TBPL1: variants seen among roughly 807,000 people sequenced by gnomAD.
TBPL1 encodes TATA box-binding protein-like 1.
Under a neutral mutation model 22.1 loss-of-function variants are expected in TBPL1, and 4 were observed. The observed-to-expected ratio is 0.18, with a 90% CI of 0.09 to 0.41. The LOEUF (loss-of-function observed/expected upper bound fraction) is 0.41, where lower values mean the gene tolerates loss of function less well. Among genes scored for constraint, TBPL1 ranks in the 10% least tolerant of loss-of-function variants. The probability of loss-of-function intolerance (pLI) is 1.00; values close to 1 mark genes in which losing one functional copy is unlikely to be tolerated. For synonymous variants in TBPL1, 64 were observed against 71.0 expected (o/e 0.90, Z 0.50); for missense variants, 115 against 222.3 (o/e 0.52, Z 3.07).
intron 1 of TBPL1, among the ~76,000 whole-genome samples, chr6:133,967,717 A>G (rs1776144790): frequency 6.6e-6 from 1 of 152,202 alleles, no homozygotes; most frequent in Non-Finnish European, 1.5e-5. Flanking sequence ...ACGGTATTAT[A>G]ATATTATGGA....
intron 1 of TBPL1, among the ~76,000 whole-genome samples, chr6:133,971,690 T>C (rs2114356529): frequency 6.6e-6 from 1 of 152,250 alleles, no homozygotes; most frequent in East Asian, 1.9e-4. Flanking sequence ...ATACGTGATG[T>C]TGAACATTTT....
chr6:133,985,309 T>TAAAAAAAAAAAAAAAAAAAAAA (rs1776497265), intron 6 of TBPL1, among the ~76,000 whole-genome samples: 1 of 29,386 alleles, frequency 3.4e-5, no homozygotes, highest in Non-Finnish European at 8.2e-5. Flanking sequence ...TATATATATA[T>TAAAAAAAAAAAAAAAAAAAAAA]ATATATATAT....
chr6:133,952,992 C>A (rs1472569522), upstream of TBPL1, among the ~76,000 whole-genome samples: 1 of 152,078 alleles, frequency 6.6e-6, no homozygotes, highest in Non-Finnish European at 1.5e-5. The surrounding 1 kb of genome is among the most constrained non-coding windows in gnomAD (Gnocchi z 4.5). Flanking sequence ...CCACCTCTTA[C>A]CTCCCACCGA....
Position 133,984,550 on chromosome 6 carries a change from A to G in TBPL1, c.387-27A>G, listed in dbSNP as rs368993962. 319 of 1,610,026 alleles carry G rather than the reference A, an allele frequency of 2.0e-4. 4 individuals carry two copies. The highest frequency in any genetic ancestry group is 8.3e-4 in the Middle Eastern group (5 of 6,000). On this transcript the variant is annotated intron_variant, in intron 5 of 6. Coordinates refer to ENST00000237264, the MANE Select transcript of TBPL1 (RefSeq NM_004865.4). Reference sequence around the variant, plus strand: ...ATTACTAGTCAGGGTATAAATATTTATATTAATTGTGGCTTATTTTGTGTA... The same window carrying G: ...ATTACTAGTCAGGGTATAAATATTTGTATTAATTGTGGCTTATTTTGTGTA...
intron 1 of TBPL1, among the ~76,000 whole-genome samples, chr6:133,970,906 G>A (rs1776209124): frequency 6.6e-6 from 1 of 152,038 alleles, no homozygotes; most frequent in African/African-American, 2.4e-5. Flanking sequence ...TCAGGGTAGG[G>A]CATCTGTCAC....
chr6:133,952,195 C>G (rs1409026286), upstream of TBPL1: 2 of 152,252 alleles, frequency 1.3e-5, no homozygotes, highest in African/African-American at 4.8e-5. The surrounding 1 kb of genome is among the most constrained non-coding windows in gnomAD (Gnocchi z 4.5). Flanking sequence ...TTCGCTCCCG[C>G]GGGCAGCGCC....
At chr6:133,963,896 C>T (rs912222765) in intron 1 of TBPL1, among the ~76,000 whole-genome samples, 2 of 150,636 alleles carry the variant, frequency 1.3e-5, no homozygotes, top group African/African-American at 4.9e-5. Flanking sequence ...AAAAAATTAG[C>T]CAGGCGTGGT....
intron 1 of TBPL1, among the ~76,000 whole-genome samples, chr6:133,954,663 A>C (rs976967732): frequency 3.3e-5 from 5 of 152,342 alleles, no homozygotes; most frequent in Admixed American, 1.3e-4. Context: ...TTGAAGATTA[A>C]AGATGAAAAT....
intron 2 of TBPL1, among the ~76,000 whole-genome samples, chr6:133,981,261 G>A (rs367942095): frequency 1.1e-4 from 17 of 152,194 alleles, no homozygotes; most frequent in East Asian, 7.7e-4. Context: ...GTGAGCCACC[G>A]TGCCTGGCCG....
In TBPL1 at chr6:133,988,944, C is replaced by G. The variant is rs372137828; in HGVS notation, c.*1904C>G. The G allele has an allele frequency of 3.9e-5, 6 of 152,198 alleles. No individual in the cohort carries two copies. In the East Asian group the frequency reaches 9.6e-4, roughly 24 times the overall value. The allele number at this position is 152,198 out of a possible 1,614,324, so 9.4% of individuals were successfully genotyped here. The stretch of plus-strand genomic sequence containing the variant: ...ATAGGGGGAAAACATGCTTATATAG[C>G]CAAGGTACAGATCCAGATGATGTAA... On this transcript the variant is annotated 3_prime_UTR_variant, in exon 7 of 7. Transcript: ENST00000237264.
intron 6 of TBPL1, among the ~76,000 whole-genome samples, chr6:133,985,297 A>AATATATATATATATAT (rs3068194): frequency 2.3e-5 from 1 of 42,906 alleles, no homozygotes; most frequent in East Asian, 7.1e-4. Flanking sequence ...AAAAAAAAAA[A>AATATATATATATATAT]ATATATATAT....
At chr6:133,985,065 G>GTCAAGAGA (rs2114390932) in intron 6 of TBPL1, among the ~76,000 whole-genome samples, 1 of 151,520 alleles carries the variant, frequency 6.6e-6, no homozygotes, top group South Asian at 2.1e-4. Flanking sequence ...TTATCACAAG[G>GTCAAGAGA]TCAAGAGATC....
intron 1 of TBPL1, among the ~76,000 whole-genome samples, chr6:133,966,095 AGAGT>A (rs1301715081): frequency 6.6e-6 from 1 of 152,030 alleles, no homozygotes; most frequent in Non-Finnish European, 1.5e-5. Context: ...AAACAGAGAG[AGAGT>A]GTGTGTGCAT....
Position 133,987,131 on chromosome 6 carries a change from TG to T in TBPL1, c.*92del. 3.9e-6 allele frequency: 3 copies of T among 775,806 alleles called. No homozygotes were observed. The Admixed American group carries it at 8.2e-5, about 21-fold the overall frequency. 48.1% of individuals were successfully genotyped at this position (775,806 alleles called of 1,614,324 possible). A position where few individuals can be genotyped will look rare whatever the true frequency, so the allele number is the denominator to read the frequency against. On this transcript the variant is annotated 3_prime_UTR_variant, in exon 7 of 7. Coordinates refer to ENST00000237264, the MANE Select transcript of TBPL1 (RefSeq NM_004865.4). ...AAAGGAAAACTGGACCAACAATAAT[TG>T]AGGAAATAGACTCTTTTATTCATTC...
intron 1 of TBPL1, among the ~76,000 whole-genome samples, chr6:133,977,627 T>C (rs774301930): frequency 6.6e-6 from 1 of 152,236 alleles, no homozygotes; most frequent in Non-Finnish European, 1.5e-5. Context: ...AGTTGCCTTG[T>C]GGTAGCTTAT....
Position 133,981,232 on chromosome 6 carries a change from AAGT to A in TBPL1, c.135+974_135+976del, listed in dbSNP as rs570025977. Among the ~76,000 whole-genome samples, 201 of 152,204 alleles carry A rather than the reference AAGT, an allele frequency of 1.3e-3. 3 individuals are homozygous for A. The South Asian group carries it at 0.034, about 25-fold the overall frequency. On this transcript the variant is annotated intron_variant, in intron 2 of 6. Transcript: ENST00000237264. ...GTGATCCACCCACCTCAGCCTTCCA[AAGT>A]ACTGGGATTATAGGCGTGAGCCACC...
chr6:133,954,309 A>G (rs1775890002), intron 1 of TBPL1, among the ~76,000 whole-genome samples: 1 of 152,260 alleles, frequency 6.6e-6, no homozygotes, highest in South Asian at 2.1e-4. Context: ...TGACTTAAGA[A>G]AAGGGAGCAG....
At position 133,982,520 on chromosome 6, in the gene TBPL1, A is replaced by T. The variant is rs76436346; in HGVS notation, c.136-48A>T. 948 of 1,538,866 alleles carry T rather than the reference A, an allele frequency of 6.2e-4. 1 individual carries two copies. In the African/African-American group the frequency reaches 9.8e-3, roughly 16 times the overall value. On this transcript the variant is annotated intron_variant, in intron 2 of 6. Coordinates refer to ENST00000237264, the MANE Select transcript of TBPL1 (RefSeq NM_004865.4). Reference sequence around the variant, plus strand: ...ATATGACTATATAGAACAGAACCTTATGTGAAAAATAATGCTTATGAGGTA... The same window carrying T: ...ATATGACTATATAGAACAGAACCTTTTGTGAAAAATAATGCTTATGAGGTA...
chr6:133,972,678 GTGTTTGTTTGTT>G (rs66508723), intron 1 of TBPL1, among the ~76,000 whole-genome samples: 123 of 151,020 alleles, frequency 8.1e-4, no homozygotes, highest in African/African-American at 2.7e-3. Flanking sequence ...TATGATCTTG[GTGTTTGTTTGTT>G]TGTTTGTTTG....
Sources: gnomAD v4.1 joint callset for allele counts (sites outside exome capture counted in the v4.1 genomes callset) on GRCh38, gnomAD v4.1.1 for gene constraint, Gnocchi (gnomAD v3.1) non-coding constraint, MANE v1.5 for transcripts, NCBI Gene and HGNC (gene_info 2026-07-23, HGNC 2026-07-21) for gene names.